Variants in SUPT20H observed in about 807,000 individuals in gnomAD.
The protein encoded by SUPT20H is transcription factor SPT20 homolog.
A neutral mutation model predicts 122.8 loss-of-function variants in SUPT20H; 82 were observed. The observed-to-expected ratio is 0.67, with a 90% CI of 0.56 to 0.80. The LOEUF (loss-of-function observed/expected upper bound fraction) is 0.80. Among genes scored for constraint, SUPT20H ranks in the 30% least tolerant of loss-of-function variants. SUPT20H has a pLI of 0.00. For missense variants in SUPT20H, 831 were observed against 921.6 expected (o/e 0.90, Z 1.27); for synonymous variants, 291 against 313.0 (o/e 0.93, Z 0.74).
intron 9 of SUPT20H, among the ~76,000 whole-genome samples, chr13:37,036,545 C>T (rs1340146229): frequency 6.6e-6 from 1 of 152,116 alleles, no homozygotes; most frequent in East Asian, 1.9e-4. Flanking sequence ...TGGTCTCGAT[C>T]TCCTGCCCTC....
chr13:37,053,892 G>T (rs1451151665), intron 1 of SUPT20H, among the ~76,000 whole-genome samples: 2 of 151,970 alleles, frequency 1.3e-5, no homozygotes, highest in Non-Finnish European at 2.9e-5. Flanking sequence ...AAGAAGAAAA[G>T]AGAGAAGAAT....
intron 14 of SUPT20H, 65 bp from the exon 15 acceptor site, chr13:37,026,881 T>A: frequency 1.9e-6 from 2 of 1,035,168 alleles, no homozygotes; most frequent in Non-Finnish European, 2.7e-6. Flanking sequence ...CATAGTTTAT[T>A]AAATAAAGTA....
intron 22 of SUPT20H, 42 bp from the exon 23 acceptor site, chr13:37,017,406 T>C (rs954475645): frequency 9.1e-6 from 14 of 1,543,318 alleles, no homozygotes; most frequent in Non-Finnish European, 1.2e-5. Context: ...TTCACATGAT[T>C]TTATATCAAA....
chr13:37,054,486 T>C (rs2068490968), intron 1 of SUPT20H, among the ~76,000 whole-genome samples: 1 of 152,152 alleles, frequency 6.6e-6, no homozygotes, highest in Non-Finnish European at 1.5e-5. Flanking sequence ...ATAAACGTAA[T>C]CCAGCATATG....
chr13:37,032,043 G>T, intron 10 of SUPT20H, 148 bp from the exon 11 acceptor site: 1 of 582,400 alleles, frequency 1.7e-6, no homozygotes. Flanking sequence ...ACTAGGACTA[G>T]GTGAAATAAA....
chr13:37,039,551 G>A (rs2065097039), intron 9 of SUPT20H: 1 of 152,160 alleles, frequency 6.6e-6, no homozygotes. Flanking sequence ...GCAGAAAAAT[G>A]CCTGGGAAAG....
rs559585687 is a variant in SUPT20H, at chr13:37,026,662, G to A, written c.1178+128C>T. On this transcript the variant is annotated intron_variant, in intron 15 of 25. Coordinates refer to ENST00000350612, the MANE Select transcript of SUPT20H (RefSeq NM_001014286.3). Reference sequence around the variant, plus strand: ...TTAATGTCTACATAACAGATCCTTAGAATATATTTCAAACAAAGTATACAT... The same window carrying A: ...TTAATGTCTACATAACAGATCCTTAAAATATATTTCAAACAAAGTATACAT... The A allele has an allele frequency of 2.8e-4, 170 of 609,320 alleles. 1 individual carries two copies. The African/African-American group carries it at 3.1e-3, about 11-fold the overall frequency. The allele number at this position is 609,320 out of a possible 1,614,324, so 37.7% of individuals were successfully genotyped here.
At chr13:37,031,428 T>A (rs912990922) in intron 12 of SUPT20H, 139 bp downstream of exon 12, 2 of 472,260 alleles carry the variant, frequency 4.2e-6, no homozygotes, top group South Asian at 1.3e-4. Context: ...ATATTGTTTT[T>A]AAAAAACTTG....
At chr13:37,010,491 T>G in intron 25 of SUPT20H, 61 bp downstream of exon 25, 2 of 1,423,396 alleles carry the variant, frequency 1.4e-6, no homozygotes, top group Non-Finnish European at 2.0e-6. Flanking sequence ...CAAGTTATTT[T>G]GAGGTACTTT....
intron 22 of SUPT20H, among the ~76,000 whole-genome samples, 172 bp downstream of exon 22, chr13:37,019,170 T>A (rs1461914387): frequency 1.3e-5 from 2 of 152,204 alleles, no homozygotes; most frequent in Non-Finnish European, 2.9e-5. Context: ...TATAGGATAC[T>A]GATTCTTTCT....
chr13:37,051,920 C>T (rs2067798694), intron 1 of SUPT20H, among the ~76,000 whole-genome samples: 1 of 152,054 alleles, frequency 6.6e-6, no homozygotes, highest in Non-Finnish European at 1.5e-5. Context: ...TCTCATTTTT[C>T]CTTTGAATTA....
chr13:37,013,544 A>G (rs1189742458), intron 23 of SUPT20H: 1 of 152,064 alleles, frequency 6.6e-6, no homozygotes, highest in Non-Finnish European at 1.5e-5. Context: ...GAAAAAAAAC[A>G]CAGGAGAAAA....
At chr13:37,057,697 G>A (rs1024558079) in intron 1 of SUPT20H, among the ~76,000 whole-genome samples, 2 of 151,912 alleles carry the variant, frequency 1.3e-5, no homozygotes, top group Non-Finnish European at 2.9e-5. Context: ...CAGAAGGCCG[G>A]GTGCAGTGGC....
intron 5 of SUPT20H, chr13:37,046,865 A>G (rs2138974603): frequency 6.6e-6 from 1 of 152,302 alleles, no homozygotes; most frequent in Non-Finnish European, 1.5e-5. Context: ...CCTAATGTAA[A>G]GATTTTAAAG....
chr13:37,048,927 T>C (rs1226933242), intron 2 of SUPT20H, among the ~76,000 whole-genome samples: 1 of 132,702 alleles, frequency 7.5e-6, no homozygotes, highest in African/African-American at 2.7e-5. Flanking sequence ...AAAAATATAC[T>C]GGCCATAAAG....
At chr13:37,024,475 A>C in intron 17 of SUPT20H, 33 bp from the exon 18 acceptor site, 1 of 1,383,204 alleles carries the variant, frequency 7.2e-7, no homozygotes, top group Middle Eastern at 1.9e-4. Context: ...TTACTTGTTA[A>C]AATTAATACT....
intron 2 of SUPT20H, among the ~76,000 whole-genome samples, 200 bp downstream of exon 2, chr13:37,051,288 G>A (rs537590038): frequency 6.6e-6 from 1 of 152,294 alleles, no homozygotes; most frequent in Admixed American, 6.5e-5. Flanking sequence ...ATGGATGAAT[G>A]TGATCACTGT....
At chr13:37,031,545 A>T (rs2063333986) in intron 12 of SUPT20H, 22 bp downstream of exon 12, 2 of 1,478,338 alleles carry the variant, frequency 1.4e-6, no homozygotes, top group African/African-American at 1.4e-5. Flanking sequence ...TATGAAAAAA[A>T]GTAATTCATG....
chr13:37,009,817 AGGGAGGG>A lies in SUPT20H; in HGVS notation c.2203-15_2203-9del. The A allele has an allele frequency of 6.2e-7, 1 of 1,605,368 alleles. No individual in the cohort carries two copies. On this transcript the variant is annotated splice_polypyrimidine_tract_variant and intron_variant, in intron 25 of 25. Coordinates refer to ENST00000350612, the MANE Select transcript of SUPT20H (RefSeq NM_001014286.3). ...CTGCAAGAATCGCAACTGCTGCAAA[AGGGAGGG>A]AAAAAAATCGAGTTATGTTAAATGC...
Sources: allele counts gnomAD v4.1 joint callset (sites outside exome capture counted in the v4.1 genomes callset), GRCh38; gene constraint gnomAD v4.1.1; transcripts MANE v1.5; gene names NCBI Gene and HGNC (gene_info 2026-07-23, HGNC 2026-07-21).